SLC24A3: variants seen among roughly 807,000 people sequenced by gnomAD.
SLC24A3 encodes sodium/potassium/calcium exchanger 3.
SLC24A3 carries 28 observed loss-of-function variants against 75.8 expected under a neutral mutation model. That is an observed-to-expected ratio of 0.37 (90% confidence interval 0.27 to 0.51). SLC24A3 has a LOEUF of 0.51. SLC24A3 is among the 20% of genes least tolerant of loss of function. The pLI is 0.94. For synonymous variants in SLC24A3, 372 were observed against 334.1 expected (o/e 1.11, Z -1.24); for missense variants, 663 against 847.8 (o/e 0.78, Z 2.71).
intron 2 of SLC24A3, among the ~76,000 whole-genome samples, chr20:19,299,198 A>ATGTGTGTGTGTGTGTGTGTG (rs57048749): frequency 4.1e-5 from 6 of 144,912 alleles, no homozygotes; most frequent in Admixed American, 2.7e-4. Context: ...GTGTGTGTGT[A>ATGTGTGTGTGTGTGTGTGTG]TGTGTGTGTG....
At chr20:19,600,125 G>A (rs1001900412) in intron 6 of SLC24A3, among the ~76,000 whole-genome samples, 7 of 152,200 alleles carry the variant, frequency 4.6e-5, no homozygotes, top group African/African-American at 1.7e-4. Context: ...AATCAGGTCA[G>A]GGTGGAAAAC....
chr20:19,449,560 T>C (rs1427522262), intron 2 of SLC24A3, among the ~76,000 whole-genome samples: 3 of 152,232 alleles, frequency 2.0e-5, no homozygotes, highest in Admixed American at 2.0e-4. Flanking sequence ...CCCAGTGGGA[T>C]GTCCAGGCCT....
At chr20:19,612,916 C>T (rs2031689636) in intron 6 of SLC24A3, among the ~76,000 whole-genome samples, 1 of 152,216 alleles carries the variant, frequency 6.6e-6, no homozygotes, top group East Asian at 1.9e-4. Flanking sequence ...GACTTCCTCA[C>T]CTACAGTCCA....
At chr20:19,624,543 C>T (rs997766540) in intron 6 of SLC24A3, among the ~76,000 whole-genome samples, 7 of 152,034 alleles carry the variant, frequency 4.6e-5, no homozygotes, top group African/African-American at 1.7e-4. Context: ...ATGGTGATGG[C>T]AAAAATACAA....
At chr20:19,375,232 G>A (rs760322420) in intron 2 of SLC24A3, among the ~76,000 whole-genome samples, 44 of 152,158 alleles carry the variant, frequency 2.9e-4, no homozygotes, top group East Asian at 1.9e-4. Flanking sequence ...CTCTCTGGGC[G>A]TAAAAGTTCG....
intron 2 of SLC24A3, among the ~76,000 whole-genome samples, chr20:19,468,682 A>G (rs567775295): frequency 6.6e-6 from 1 of 152,302 alleles, no homozygotes; most frequent in African/African-American, 2.4e-5. Flanking sequence ...TGGAGCTTCC[A>G]TGGCCTGTTT....
At chr20:19,542,324 G>A (rs534207943) in intron 3 of SLC24A3, among the ~76,000 whole-genome samples, 8 of 152,300 alleles carry the variant, frequency 5.3e-5, no homozygotes, top group South Asian at 4.1e-4. Context: ...GCTGCTGGTC[G>A]TCATTTTGAA....
At chr20:19,482,202 C>T (rs1988066876) in intron 2 of SLC24A3, among the ~76,000 whole-genome samples, 2 of 152,202 alleles carry the variant, frequency 1.3e-5, no homozygotes. Context: ...CAACCTGATC[C>T]TCCCAGCCCA....
intron 3 of SLC24A3, among the ~76,000 whole-genome samples, chr20:19,540,622 G>A (rs779004033): frequency 2.6e-5 from 4 of 152,332 alleles, no homozygotes; most frequent in Non-Finnish European, 4.4e-5. Context: ...CATCACACAC[G>A]CCACACGTGG....
chr20:19,227,499 A>G (rs1027664862), intron 1 of SLC24A3, among the ~76,000 whole-genome samples: 1 of 151,808 alleles, frequency 6.6e-6, no homozygotes, highest in African/African-American at 2.4e-5. Flanking sequence ...CTCTTAGTCA[A>G]CGTATTTATT....
chr20:19,313,875 C>T (rs1213008847), intron 2 of SLC24A3, among the ~76,000 whole-genome samples: 1 of 152,192 alleles, frequency 6.6e-6, no homozygotes, highest in Non-Finnish European at 1.5e-5. Context: ...GCTTTAGAAA[C>T]TTGTTTTGCT....
At chr20:19,283,619 T>C (rs1366478472) in intron 2 of SLC24A3, among the ~76,000 whole-genome samples, 1 of 152,044 alleles carries the variant, frequency 6.6e-6, no homozygotes, top group African/African-American at 2.4e-5. Flanking sequence ...AGAGCAAATA[T>C]GTAAATCTGA....
intron 2 of SLC24A3, among the ~76,000 whole-genome samples, chr20:19,332,744 GA>G: frequency 6.6e-6 from 1 of 152,282 alleles, no homozygotes; most frequent in South Asian, 2.1e-4. Context: ...GAGGTGGCAA[GA>G]GGACCTTGGT....
At chr20:19,361,879 T>G (rs1985797811) in intron 2 of SLC24A3, among the ~76,000 whole-genome samples, 1 of 152,210 alleles carries the variant, frequency 6.6e-6, no homozygotes, top group Non-Finnish European at 1.5e-5. Context: ...AATAAAATAT[T>G]CCAAAAGAAA....
At chr20:19,663,165 T>C (rs2032350107) in intron 7 of SLC24A3, among the ~76,000 whole-genome samples, 1 of 151,906 alleles carries the variant, frequency 6.6e-6, no homozygotes, top group Non-Finnish European at 1.5e-5. Context: ...AACTCATGGC[T>C]CAAGTGATTC....
intron 2 of SLC24A3, among the ~76,000 whole-genome samples, chr20:19,444,158 C>T (rs1987341825): frequency 6.6e-6 from 1 of 152,076 alleles, no homozygotes; most frequent in Admixed American, 6.5e-5. Context: ...AATATCAATC[C>T]CACCTTGCAT....
chr20:19,718,778 C>T (rs1381584229), intron 16 of SLC24A3, among the ~76,000 whole-genome samples: 1 of 152,194 alleles, frequency 6.6e-6, no homozygotes, highest in Non-Finnish European at 1.5e-5. Flanking sequence ...GCCTGTTTGA[C>T]ATCCAAAGGA....
At chr20:19,691,385 C>T (rs1392880733) in intron 12 of SLC24A3, among the ~76,000 whole-genome samples, 1 of 152,158 alleles carries the variant, frequency 6.6e-6, no homozygotes, top group Non-Finnish European at 1.5e-5. Context: ...AGAAAGTTAG[C>T]CAAGACCAGG....
At chr20:19,664,687 G>C (rs1158603621) in intron 7 of SLC24A3, among the ~76,000 whole-genome samples, 4 of 152,208 alleles carry the variant, frequency 2.6e-5, no homozygotes, top group Non-Finnish European at 5.9e-5. Flanking sequence ...AGAGTGTCCT[G>C]CAAGTGTCTG....
Sources: allele counts gnomAD v4.1 joint callset (sites outside exome capture counted in the v4.1 genomes callset), GRCh38; gene constraint gnomAD v4.1.1; transcripts MANE v1.5; gene names NCBI Gene and HGNC (gene_info 2026-07-23, HGNC 2026-07-21).